CDHR2: variants seen among roughly 807,000 people sequenced by gnomAD.
CDHR2 encodes cadherin related family member 2.
A neutral mutation model predicts 138.6 loss-of-function variants in CDHR2; 104 were observed. The observed-to-expected ratio is 0.75, with a 90% CI of 0.64 to 0.88. The LOEUF (loss-of-function observed/expected upper bound fraction) is 0.88. CDHR2 is among the 40% of genes least tolerant of loss of function. The pLI is 0.00. For missense variants in CDHR2, 1,624 were observed against 1,727.6 expected (o/e 0.94, Z 1.06); for synonymous variants, 755 against 742.8 (o/e 1.02, Z -0.27).
upstream of CDHR2, chr5:176,547,795 T>C (rs958550182): frequency 1.3e-5 from 2 of 152,248 alleles, no homozygotes; most frequent in African/African-American, 2.4e-5. Context: ...TGACTTCCCT[T>C]CATCTGGGTT....
intron 3 of CDHR2, among the ~76,000 whole-genome samples, 193 bp downstream of exon 3, chr5:176,565,936 C>T (rs1561869811): frequency 6.6e-6 from 1 of 152,200 alleles, no homozygotes; most frequent in Non-Finnish European, 1.5e-5. Context: ...GCAGTGTCCT[C>T]AAAGGTGTGA....
rs776868022 is a variant in CDHR2, at chr5:176,578,437, G to T, written c.1647G>T (p.Glu549Asp). The T allele has an allele frequency of 8.7e-6, 14 of 1,614,104 alleles. No homozygotes were observed. In the South Asian group the frequency reaches 1.5e-4, roughly 18 times the overall value. ...TVRNGELLDR[E>D]SQAVYYLTLQ... ...GGAACGGTGAGCTGCTGGACCGGGA[G>T]AGCCAGGCCGTGTACTACCTGACGC... Residue 549 changes from glutamate to aspartate, a missense_variant, in exon 16 of 32, where the codon GAG becomes GAT. Physicochemically the swap from Glu to Asp is conservative, Grantham distance 45 (BLOSUM62 2). Coordinates refer to ENST00000261944, the MANE Select transcript of CDHR2 (RefSeq NM_017675.6).
At chr5:176,570,886 G>A (rs1758209891) in intron 5 of CDHR2, among the ~76,000 whole-genome samples, 1 of 151,596 alleles carries the variant, frequency 6.6e-6, no homozygotes, top group East Asian at 1.9e-4. Flanking sequence ...GGGAGGCGGA[G>A]GTTGCATTGA....
chr5:176,573,992 G>A (rs1758295038), intron 6 of CDHR2, 91 bp from the exon 7 acceptor site: 3 of 1,002,956 alleles, frequency 3.0e-6, no homozygotes, highest in Non-Finnish European at 4.6e-6. Context: ...TGAGTGCACA[G>A]CTGAGGACAC....
intron 16 of CDHR2, among the ~76,000 whole-genome samples, chr5:176,580,154 A>G (rs779454837): frequency 2.7e-5 from 4 of 148,688 alleles, no homozygotes; most frequent in African/African-American, 1.0e-4. Flanking sequence ...ACTCACACAC[A>G]CACTCACACA....
chr5:176,565,319 C>G lies in CDHR2; in HGVS notation c.-15-19C>G, dbSNP rs763106980. The G allele has an allele frequency of 6.3e-7, 1 of 1,597,646 alleles. No individual in the cohort carries two copies. The highest frequency in any genetic ancestry group is 1.7e-5 in the Admixed American group (1 of 59,998). ...GGGAGGCCTGAGTCCAGGAGCCATT[C>G]CCTGACCTCTTCCCTTAGGTCCCTG... On this transcript the variant is annotated intron_variant, in intron 1 of 31. Transcript: ENST00000261944.
chr5:176,592,579 A>T (rs1758913740), intron 30 of CDHR2, 144 bp from the exon 31 acceptor site: 1 of 657,534 alleles, frequency 1.5e-6, no homozygotes, highest in Admixed American at 2.2e-5. Context: ...TGATGATGGT[A>T]GTTGTGATGA....
intron 30 of CDHR2, 85 bp downstream of exon 30, chr5:176,591,569 T>C (rs1581152042): frequency 9.9e-7 from 1 of 1,005,918 alleles, no homozygotes; most frequent in Non-Finnish European, 1.6e-6. Flanking sequence ...TTGGTGGTGA[T>C]GATGGTGATG....
At position 176,576,212 on chromosome 5, in the gene CDHR2, G is replaced by A. The variant is rs148468119; in HGVS notation, c.1194+27G>A. ...CAGGCGTGGTGGCGTGGGTGTGGGC[G>A]GGGGTGGCTGGGGGAGGCCAGTGGG... On this transcript the variant is annotated intron_variant, in intron 12 of 31. Transcript: ENST00000261944. The surrounding 1 kb of genome is among the most constrained non-coding windows in gnomAD (Gnocchi z 4.5). The A allele has an allele frequency of 2.8e-3, 4,362 of 1,545,322 alleles. 98 individuals are homozygous for A. In the African/African-American group the frequency reaches 0.05, roughly 18 times the overall value.
At chr5:176,565,142 C>A (rs1373481037) in intron 1 of CDHR2, among the ~76,000 whole-genome samples, 196 bp from the exon 2 acceptor site, 2 of 152,142 alleles carry the variant, frequency 1.3e-5, no homozygotes, top group Non-Finnish European at 2.9e-5. Context: ...CGTGGTCACC[C>A]CTACCCCACC....
chr5:176,578,069 T>C lies in CDHR2; in HGVS notation c.1548T>C (p.Ile516=), dbSNP rs1758439097. The part of the protein sequence containing the change: ...TDPDTGAWGQ[I]TYSLLPGNGA... ...CAGACACGGGCGCGTGGGGCCAAATTACCTACAGCCTGCTCCCAGGAAATG... is the reference window on the plus strand; with the variant it reads ...CAGACACGGGCGCGTGGGGCCAAATCACCTACAGCCTGCTCCCAGGAAATG... The change falls in exon 15 of 32, where the codon ATT becomes ATC. Residue 516 remains isoleucine, a synonymous_variant. Coordinates refer to ENST00000261944, the MANE Select transcript of CDHR2 (RefSeq NM_017675.6). 1 of 1,612,794 alleles carries C rather than the reference T, an allele frequency of 6.2e-7. No homozygotes were observed.
chr5:176,544,184 CG>C (rs1757528610), intron 1 of CDHR2, among the ~76,000 whole-genome samples: 2 of 152,338 alleles, frequency 1.3e-5, no homozygotes, highest in Admixed American at 1.3e-4. Context: ...CGGCTGCCTC[CG>C]GGTCTACTTA....
chr5:176,561,255 A>G (rs934916600), intron 1 of CDHR2, among the ~76,000 whole-genome samples: 11 of 152,186 alleles, frequency 7.2e-5, no homozygotes, highest in African/African-American at 2.7e-4. Context: ...TTACTTGCCC[A>G]AGGTTATGCT....
intron 1 of CDHR2, among the ~76,000 whole-genome samples, chr5:176,557,111 G>C (rs906096217): frequency 8.6e-5 from 13 of 151,048 alleles, no homozygotes; most frequent in African/African-American, 3.2e-4. Flanking sequence ...AAACTCCCGG[G>C]CTCAAGCAGT....
intron 1 of CDHR2, among the ~76,000 whole-genome samples, chr5:176,563,750 T>C (rs1416486625): frequency 6.6e-6 from 1 of 152,204 alleles, no homozygotes; most frequent in Non-Finnish European, 1.5e-5. Context: ...TTTGAAAGTT[T>C]TTCTGGGGTC....
At chr5:176,591,553 ATGGTGT>A in intron 30 of CDHR2, 69 bp downstream of exon 30, 2 of 1,157,530 alleles carry the variant, frequency 1.7e-6, no homozygotes, top group Non-Finnish European at 2.6e-6. Flanking sequence ...GGTGGTGGTG[ATGGTGT>A]TGGTGGTGAT....
chr5:176,580,142 G>GCACTCACACA (rs1554143017), intron 16 of CDHR2, among the ~76,000 whole-genome samples: 4 of 150,046 alleles, frequency 2.7e-5, no homozygotes, highest in East Asian at 2.0e-4. Flanking sequence ...ACTCACACAC[G>GCACTCACACA]CACTCACACA....
rs181770549 is a variant in CDHR2 at position 176,577,547 on chromosome 5, C to T, written c.1343C>T (p.Ala448Val). ...LVDYERQTAM[A>V]VQVVATDSVS... is the part of the protein sequence containing the mutation. ...GACTACGAGAGGCAGACGGCGATGG[C>T]GGTGCAGGTGAGGGCTGCTCCGGGG... The change falls in exon 13 of 32, where the codon GCG becomes GTG. Residue 448 changes from alanine (A) to valine (V), a missense_variant. This residue lies in a region of CDHR2 where 1,061 missense variants were observed against 1,136.6 expected (regional missense o/e 0.93). Transcript: ENST00000261944. 86 of 1,613,548 alleles carry T rather than the reference C, an allele frequency of 5.3e-5. No individual in the cohort carries two copies. Among genetic ancestry groups the T allele is most frequent in the African/African-American group, 1.3e-4 (10 of 75,036 alleles).
intron 20 of CDHR2, among the ~76,000 whole-genome samples, chr5:176,586,443 G>T (rs1425335794): frequency 6.6e-6 from 1 of 152,216 alleles, no homozygotes; most frequent in Non-Finnish European, 1.5e-5. Context: ...TGATCTGCTC[G>T]CCTTGGCCTC....
Sources: allele counts gnomAD v4.1 joint callset (sites outside exome capture counted in the v4.1 genomes callset), GRCh38; gene constraint gnomAD v4.1.1; regional missense constraint gnomAD v4.1.1; non-coding constraint Gnocchi (gnomAD v3.1); transcripts MANE v1.5; gene names NCBI Gene and HGNC (gene_info 2026-07-23, HGNC 2026-07-21).